ACLY: variants seen among roughly 807,000 people sequenced by gnomAD.
The protein encoded by ACLY is ATP citrate lyase.
Under a neutral mutation model 133.0 loss-of-function variants are expected in ACLY, and 41 were observed. That is an observed-to-expected ratio of 0.31 (90% CI 0.24 to 0.40). The LOEUF (loss-of-function observed/expected upper bound fraction) is 0.40. Ranked by LOEUF, ACLY falls within the 10% of genes least tolerant of loss-of-function variation. The pLI is 1.00. For synonymous variants in ACLY, 495 were observed against 549.3 expected, an observed-to-expected ratio of 0.90 and a Z score of 1.38; for missense variants, 1,046 against 1,453.8, an observed-to-expected ratio of 0.72 and a Z score of 4.56.
At position 41,913,838 on chromosome 17, in the gene ACLY, T is replaced by C; in HGVS notation, c.36A>G (p.Lys12=). 1 of 1,614,234 alleles carries C rather than the reference T, an allele frequency of 6.2e-7. No individual in the cohort carries two copies. The highest frequency in any genetic ancestry group is 1.6e-4 in the Middle Eastern group (1 of 6,062). ...SAKAISEQTG[K]ELLYKFICTT... is the part of the protein sequence containing the mutation. ...TACAGATGAACTTGTAAAGGAGTTC[T>C]TTGCCCGTCTGCTCTGAAATTGCCT... The change falls in exon 2 of 29, where the codon AAA becomes AAG. Residue 12 remains lysine (K), a synonymous_variant. Coordinates refer to ENST00000352035, the MANE Select transcript of ACLY (RefSeq NM_001096.3).
intron 9 of ACLY, 52 bp from the exon 10 acceptor site, chr17:41,904,842 C>T: frequency 6.5e-7 from 1 of 1,544,502 alleles, no homozygotes; most frequent in Non-Finnish European, 8.9e-7. Context: ...TAGACTTGAG[C>T]ATCTTCCCAG....
intron 1 of ACLY, among the ~76,000 whole-genome samples, chr17:41,927,206 C>T (rs2050254209): frequency 6.6e-6 from 1 of 152,132 alleles, no homozygotes; most frequent in East Asian, 1.9e-4. Flanking sequence ...ACCTGTGAAA[C>T]AATTACCACA....
chr17:41,899,288 A>C (rs1040035487), intron 11 of ACLY, among the ~76,000 whole-genome samples: 3 of 152,000 alleles, frequency 2.0e-5, no homozygotes, highest in East Asian at 1.9e-4. Context: ...CAAAAAAAAA[A>C]AACCACATAA....
chr17:41,883,059 G>T, intron 20 of ACLY, 63 bp downstream of exon 20: 2 of 1,320,134 alleles, frequency 1.5e-6, no homozygotes, highest in Non-Finnish European at 2.1e-6. Flanking sequence ...TACCTGGTTC[G>T]CCTCAAATGC....
intron 20 of ACLY, among the ~76,000 whole-genome samples, chr17:41,881,287 G>A (rs1469216440): frequency 1.3e-5 from 2 of 151,696 alleles, no homozygotes; most frequent in Non-Finnish European, 2.9e-5. Flanking sequence ...AAAATTAGCC[G>A]GGCGTGGTGG....
rs190235464 is a variant in ACLY, at chr17:41,929,952, G to A, written c.-28+406C>T. 6.6e-5 allele frequency among the ~76,000 whole-genome samples: 10 copies of A among 152,214 alleles called. No homozygotes were observed. The East Asian group carries it at 1.9e-3, about 29-fold the overall frequency. ...ACAATGACATTAGGACGTTTTGGAA[G>A]TAACGTAGTAAAGGCAGTTAAGCAA... On this transcript the variant is annotated intron_variant, in intron 1 of 3. Coordinates refer to the ACLY transcript ENST00000592970.
At chr17:41,905,744 T>G (rs1555632534) in intron 8 of ACLY, 86 bp from the exon 9 acceptor site, 1 of 1,536,684 alleles carries the variant, frequency 6.5e-7, no homozygotes, top group African/African-American at 1.4e-5. Context: ...CACGGATCCC[T>G]CAAAACACTG....
At chr17:41,924,644 G>A (rs1168032927) in intron 1 of ACLY, among the ~76,000 whole-genome samples, 1 of 152,142 alleles carries the variant, frequency 6.6e-6, no homozygotes, top group Non-Finnish European at 1.5e-5. Flanking sequence ...CTAAGGGCCT[G>A]TGTGTCCTGG....
chr17:41,890,762 A>C (rs1312887931), intron 16 of ACLY, among the ~76,000 whole-genome samples: 3 of 137,406 alleles, frequency 2.2e-5, no homozygotes, highest in African/African-American at 8.1e-5. Flanking sequence ...GCACTTTGGG[A>C]GGCCAAGGTG....
At chr17:41,882,799 C>A (rs1369570427) in intron 20 of ACLY, among the ~76,000 whole-genome samples, 1 of 152,162 alleles carries the variant, frequency 6.6e-6, no homozygotes, top group African/African-American at 2.4e-5. Flanking sequence ...CAGCAAAGCC[C>A]TTCTCATCCC....
At chr17:41,913,184 G>T (rs1555633938) in intron 2 of ACLY, among the ~76,000 whole-genome samples, 1 of 152,196 alleles carries the variant, frequency 6.6e-6, no homozygotes, top group East Asian at 1.9e-4. Context: ...CAAGAACAGA[G>T]CCCTCTATTC....
At chr17:41,869,996 TAAAC>T (rs2048558378) in intron 25 of ACLY, among the ~76,000 whole-genome samples, 1 of 152,152 alleles carries the variant, frequency 6.6e-6, no homozygotes, top group African/African-American at 2.4e-5. Flanking sequence ...AGTTCAACAC[TAAAC>T]AAACACGTGT....
At chr17:41,878,718 C>T (rs2048826562) in intron 21 of ACLY, 79 bp downstream of exon 21, 2 of 1,566,914 alleles carry the variant, frequency 1.3e-6, no homozygotes, top group South Asian at 1.1e-5. Context: ...ACATGATGTC[C>T]CTGTGTGGGA....
intron 20 of ACLY, among the ~76,000 whole-genome samples, chr17:41,880,422 T>C (rs1273012273): frequency 6.6e-6 from 1 of 152,184 alleles, no homozygotes; most frequent in Non-Finnish European, 1.5e-5. Context: ...ATGCGTTCTT[T>C]GTAGGATTTA....
In ACLY at chr17:41,892,264, A is replaced by G; in HGVS notation, c.1770+15T>C. The G allele has an allele frequency of 2.5e-6, 1 of 398,898 alleles. No homozygotes were observed. The highest frequency in any genetic ancestry group is 4.0e-6 in the Non-Finnish European group (1 of 252,044). 24.7% of individuals were successfully genotyped at this position (398,898 alleles called of 1,614,324 possible). A position where few individuals can be genotyped will look rare whatever the true frequency, so the allele number is the denominator to read the frequency against. On this transcript the variant is annotated intron_variant, in intron 16 of 28. Coordinates refer to ENST00000352035, the MANE Select transcript of ACLY (RefSeq NM_001096.3). ...ATGGTCCCCACCCCCCACCCTCCAGAGCCCAGTGATCTACCTGGGCATAGT... is the reference window on the plus strand; with the variant it reads ...ATGGTCCCCACCCCCCACCCTCCAGGGCCCAGTGATCTACCTGGGCATAGT...
In ACLY at chr17:41,886,158, G is replaced by A. The variant is rs141606581; in HGVS notation, c.2026C>T (p.Arg676Trp). 2.0e-5 allele frequency: 32 copies of A among 1,614,024 alleles called. No homozygotes were observed. Among genetic ancestry groups the A allele is most frequent in the Admixed American group, 5.0e-5 (3 of 60,000 alleles). Residue 676 changes from arginine (R) to tryptophan (W), a missense_variant, in exon 18 of 29, where the codon CGG becomes TGG. Transcript: ENST00000352035. ...MSNELNNIIS[R>W]TTDGVYEGVA... The stretch of plus-strand genomic sequence containing the variant: ...CCCTCATAGACGCCATCCGTGGTCC[G>A]AGAGATGATATTGTTGAGCTCGTTG...
upstream of ACLY, among the ~76,000 whole-genome samples, chr17:41,920,020 T>G (rs1283996496): frequency 6.6e-6 from 1 of 152,204 alleles, no homozygotes; most frequent in African/African-American, 2.4e-5. Flanking sequence ...AAGCGTCCAC[T>G]GACCGACTCA....
rs978169294 is a variant in ACLY, at chr17:41,910,557, G to A, written c.283-273C>T. On this transcript the variant is annotated intron_variant, in intron 3 of 28. Coordinates refer to ENST00000352035, the MANE Select transcript of ACLY (RefSeq NM_001096.3). Reference sequence around the variant, plus strand: ...CTCTGGAGGGTGACACAGGACCTGCGCAAGTGAAAGGGCTCCAACAAGTCA... The same window carrying A: ...CTCTGGAGGGTGACACAGGACCTGCACAAGTGAAAGGGCTCCAACAAGTCA... Among the ~76,000 whole-genome samples the A allele has an allele frequency of 8.5e-5, 13 of 152,350 alleles. No individual in the cohort carries two copies. In the South Asian group the frequency reaches 1.7e-3, roughly 19 times the overall value.
chr17:41,890,466 C>T (rs1304046981), intron 16 of ACLY, among the ~76,000 whole-genome samples: 5 of 150,534 alleles, frequency 3.3e-5, no homozygotes, highest in South Asian at 4.2e-4. Flanking sequence ...GGGCGGATCA[C>T]GAGGTCGAGA....
Sources: gnomAD v4.1 joint callset for allele counts (sites outside exome capture counted in the v4.1 genomes callset) on GRCh38, gnomAD v4.1.1 for gene constraint, MANE v1.5 for transcripts, NCBI Gene and HGNC (gene_info 2026-07-23, HGNC 2026-07-21) for gene names.